KDM6A: variants seen among roughly 807,000 people sequenced by gnomAD.
KDM6A encodes lysine-specific demethylase 6A.
In KDM6A, 11 loss-of-function variants were observed where a neutral mutation model predicts 117.6. That is an observed-to-expected ratio of 0.09 (90% CI 0.06 to 0.15). The LOEUF is 0.15. Ranked by LOEUF, KDM6A falls within the 10% of genes least tolerant of loss-of-function variation. The pLI is 1.00. For synonymous variants in KDM6A, 384 were observed against 396.1 expected, an observed-to-expected ratio of 0.97 and a Z score of 0.36; for missense variants, 799 against 1,077.3, an observed-to-expected ratio of 0.74 and a Z score of 3.62.
chrX:44,970,626 G>A (rs1249982401), intron 3 of KDM6A, among the ~76,000 whole-genome samples: 1 of 111,569 alleles, frequency 9.0e-6, no homozygotes, highest in Non-Finnish European at 1.9e-5. Flanking sequence ...ATCATTACAA[G>A]GGCAATCTCC....
chrX:44,968,113 T>G (rs906999669), intron 3 of KDM6A, among the ~76,000 whole-genome samples: 2 of 112,183 alleles, frequency 1.8e-5, no homozygotes, highest in Non-Finnish European at 3.8e-5. Context: ...GTGACAGCCT[T>G]TACTAACTTC....
At chrX:44,941,239 G>T (rs1252679020) in intron 2 of KDM6A, among the ~76,000 whole-genome samples, 1 of 111,387 alleles carries the variant, frequency 9.0e-6, no homozygotes, top group Non-Finnish European at 1.9e-5. Flanking sequence ...TTTTGTATCA[G>T]TTCAAATAAC....
intron 5 of KDM6A, among the ~76,000 whole-genome samples, chrX:45,013,389 G>A (rs141031823): frequency 0.039 from 4,297 of 111,402 alleles, 218 homozygotes; most frequent in African/African-American, 0.13. Flanking sequence ...GCCAGTTTTC[G>A]CATACCTATG....
chrX:45,035,921 G>A (rs1002656563), intron 7 of KDM6A, among the ~76,000 whole-genome samples: 6 of 110,348 alleles, frequency 5.4e-5, no homozygotes, highest in South Asian at 3.8e-4. Flanking sequence ...GGATGGTCTC[G>A]ATCTCCTGAC....
chrX:45,068,779 C>T (rs867565084), intron 17 of KDM6A, among the ~76,000 whole-genome samples: 2 of 78,569 alleles, frequency 2.5e-5, no homozygotes, highest in East Asian at 4.7e-4. Context: ...CTCCTCTCTC[C>T]TCTCTCTTCT....
intron 2 of KDM6A, among the ~76,000 whole-genome samples, chrX:44,939,165 G>A (rs762905798): frequency 8.9e-6 from 1 of 112,268 alleles, no homozygotes; most frequent in East Asian, 2.8e-4. Flanking sequence ...TATGGCTGCC[G>A]TAGTTAGTGA....
chrX:44,878,536 T>C (rs1257197417), intron 2 of KDM6A, among the ~76,000 whole-genome samples: 2 of 112,076 alleles, frequency 1.8e-5, no homozygotes, highest in Admixed American at 1.9e-4. Context: ...GATTTGTGCC[T>C]GGTAATAAAG....
intron 5 of KDM6A, 26 bp downstream of exon 5, chrX:45,011,045 C>A (rs2041730938): frequency 1.9e-6 from 2 of 1,049,289 alleles, no homozygotes; most frequent in Non-Finnish European, 2.7e-6. Flanking sequence ...ACCAGTAATT[C>A]AGTCATTTTC....
rs2148038678 is a variant in KDM6A, at chrX:45,069,739, C to T, written c.2240C>T (p.Ala747Val). 1 of 1,209,943 alleles carries T rather than the reference C, an allele frequency of 8.3e-7. No homozygotes were observed. The highest frequency in any genetic ancestry group is 1.1e-6 in the Non-Finnish European group (1 of 894,695). ...AGCAATTCAGTAACACAGGGGGCTG[C>T]TCTCAATCACCTCTCCTCTCACACT... Reference protein sequence around the residue: ...LPSNSVTQGAALNHLSSHTAT... With the variant: ...LPSNSVTQGAVLNHLSSHTAT... The change falls in exon 18 of 30, where the codon GCT (alanine) becomes GTT (valine). Residue 747 changes from alanine (A) to valine (V), a missense_variant. This residue lies in a region of KDM6A where 301 missense variants were observed against 318.3 expected (regional missense o/e 0.95). Coordinates refer to ENST00000611820, the MANE Select transcript of KDM6A (RefSeq NM_001291415.2).
intron 4 of KDM6A, among the ~76,000 whole-genome samples, chrX:44,987,301 C>G (rs2040285449): frequency 1.8e-5 from 2 of 111,228 alleles, no homozygotes; most frequent in African/African-American, 6.6e-5. Context: ...CTATGTGTGT[C>G]TCTGCACATG....
At chrX:44,887,156 G>A (rs1014391205) in intron 2 of KDM6A, among the ~76,000 whole-genome samples, 8 of 110,188 alleles carry the variant, frequency 7.3e-5, no homozygotes, top group Non-Finnish European at 1.1e-4. Context: ...CTAACCTCAA[G>A]TGATCCACCT....
Position 44,922,252 on chromosome X carries a change from C to T in KDM6A, c.226-39032C>T, listed in dbSNP as rs191911177. Among the ~76,000 whole-genome samples, 100 of 105,669 alleles carry T rather than the reference C, an allele frequency of 9.5e-4. 1 individual carries two copies. Among genetic ancestry groups the T allele is most frequent in the African/African-American group, 3.3e-3 (95 of 29,130 alleles). 91.8% of individuals were successfully genotyped at this position (105,669 alleles called of 115,157 possible). On this transcript the variant is annotated intron_variant, in intron 2 of 29. Coordinates refer to ENST00000611820, the MANE Select transcript of KDM6A (RefSeq NM_001291415.2). Reference sequence around the variant, plus strand: ...AGAGGTGGGGTTTCGCCGTGTTGCCCAGGCTGGTCCAGGCTGGTCTTGAAC... The same window carrying T: ...AGAGGTGGGGTTTCGCCGTGTTGCCTAGGCTGGTCCAGGCTGGTCTTGAAC...
intron 14 of KDM6A, among the ~76,000 whole-genome samples, chrX:45,061,079 G>A (rs1305027893): frequency 9.0e-6 from 1 of 111,289 alleles, no homozygotes; most frequent in African/African-American, 3.3e-5. Context: ...TAGGCTAGCC[G>A]TTTGGGCCAT....
intron 2 of KDM6A, among the ~76,000 whole-genome samples, chrX:44,910,940 C>G (rs2035068391): frequency 8.9e-6 from 1 of 112,689 alleles, no homozygotes; most frequent in Non-Finnish European, 1.9e-5. Flanking sequence ...TCCATCCTTT[C>G]CCCACATTTA....
intron 29 of KDM6A, among the ~76,000 whole-genome samples, chrX:45,110,956 T>C (rs2046746266): frequency 8.9e-6 from 1 of 112,181 alleles, no homozygotes; most frequent in Non-Finnish European, 1.9e-5. Flanking sequence ...ACTTGAATGG[T>C]CTTCAAGATT....
intron 6 of KDM6A, 93 bp downstream of exon 6, chrX:45,020,823 GA>G (rs896821917): frequency 1.0e-6 from 1 of 995,997 alleles, no homozygotes; most frequent in Non-Finnish European, 1.4e-6. Context: ...AGAAATGTTG[GA>G]ATTTATATTG....
chrX:45,017,580 A>G (rs996876503), intron 5 of KDM6A, among the ~76,000 whole-genome samples: 1 of 111,601 alleles, frequency 9.0e-6, no homozygotes, highest in Non-Finnish European at 1.9e-5. Flanking sequence ...CACACAGGAG[A>G]AGAACATGGA....
intron 4 of KDM6A, among the ~76,000 whole-genome samples, chrX:45,003,878 CTT>C (rs1400245081): frequency 2.0e-5 from 2 of 98,301 alleles, no homozygotes; most frequent in East Asian, 3.2e-4. Flanking sequence ...CTCTCTCTCT[CTT>C]CTCCCCCTTC....
At chrX:44,937,363 T>G (rs1236587771) in intron 2 of KDM6A, among the ~76,000 whole-genome samples, 1 of 111,691 alleles carries the variant, frequency 9.0e-6, no homozygotes, top group Non-Finnish European at 1.9e-5. Flanking sequence ...AAACGGAAGG[T>G]TTGTGGCAGT....
Sources: gnomAD v4.1 joint callset for allele counts (sites outside exome capture counted in the v4.1 genomes callset) on GRCh38, gnomAD v4.1.1 for gene constraint, gnomAD v4.1.1 regional missense constraint, MANE v1.5 for transcripts, NCBI Gene and HGNC (gene_info 2026-07-23, HGNC 2026-07-21) for gene names.